Variants in MCF2L2 observed in about 807,000 individuals in gnomAD.
The protein encoded by MCF2L2 is MCF.2 cell line derived transforming sequence-like 2.
MCF2L2 carries 102 observed loss-of-function variants against 150.2 expected under a neutral mutation model. The observed-to-expected ratio is 0.68, with a 90% CI of 0.58 to 0.80. The LOEUF (loss-of-function observed/expected upper bound fraction) is 0.80, where lower values mean the gene tolerates loss of function less well. Ranked by LOEUF, MCF2L2 falls within the 30% of genes least tolerant of loss-of-function variation. MCF2L2 has a pLI of 0.00. For synonymous variants in MCF2L2, 465 were observed against 491.3 expected (o/e 0.95, Z 0.71); for missense variants, 1,256 against 1,372.8 (o/e 0.91, Z 1.34).
At chr3:183,340,346 C>T (rs1224699293) in intron 4 of MCF2L2, among the ~76,000 whole-genome samples, 28 of 152,164 alleles carry the variant, frequency 1.8e-4, no homozygotes, top group Admixed American at 1.8e-3. Flanking sequence ...TGCTTTACCA[C>T]ACTACCACAT....
Position 183,289,631 on chromosome 3 carries a change from A to G in MCF2L2, c.1676-411T>C, listed in dbSNP as rs191547775. ...AGCACTTTGGGAGGCTGAGGCGGGC[A>G]GATCACCTGAGGTCAGGAGTTCGAG... On this transcript the variant is annotated intron_variant, in intron 13 of 29. Coordinates refer to ENST00000328913, the MANE Select transcript of MCF2L2 (RefSeq NM_015078.4). Among the ~76,000 whole-genome samples the G allele has an allele frequency of 4.5e-3, 679 of 152,268 alleles. 6 individuals are homozygous for G. Among genetic ancestry groups the G allele is most frequent in the African/African-American group, 0.016 (650 of 41,570 alleles).
At chr3:183,299,960 C>A in intron 11 of MCF2L2, 45 bp downstream of exon 11, 3 of 1,586,422 alleles carry the variant, frequency 1.9e-6, no homozygotes, top group Non-Finnish European at 2.6e-6. Flanking sequence ...AGCTTCTTCA[C>A]AGAAAATCTT....
chr3:183,337,591 C>G (rs1730537862), intron 5 of MCF2L2, among the ~76,000 whole-genome samples: 1 of 150,874 alleles, frequency 6.6e-6, no homozygotes, highest in South Asian at 2.1e-4. Context: ...AAGAAACTAT[C>G]AGCCGTTTCC....
rs1723398307 is a variant in MCF2L2 at position 183,227,788 on chromosome 3, T to C, written c.2115+509A>G. The C allele has an allele frequency of 6.6e-6, 1 of 152,362 alleles. No homozygotes were observed. Among genetic ancestry groups the C allele is most frequent in the Non-Finnish European group, 1.5e-5 (1 of 68,084 alleles). 9.4% of individuals were successfully genotyped at this position (152,362 alleles called of 1,614,324 possible). On this transcript the variant is annotated intron_variant, in intron 18 of 29. Transcript: ENST00000328913. The surrounding 1 kb of genome is among the most constrained non-coding windows in gnomAD (Gnocchi z 4.0). Reference sequence around the variant, plus strand: ...GATAAAGTTGGGAGGCCAACTCATGTTTTCCATTCAAAGGGCAGATACAAG... The same window carrying C: ...GATAAAGTTGGGAGGCCAACTCATGCTTTCCATTCAAAGGGCAGATACAAG...
At chr3:183,216,456 ATATT>A (rs1330574721) in intron 21 of MCF2L2, among the ~76,000 whole-genome samples, 1 of 141,172 alleles carries the variant, frequency 7.1e-6, no homozygotes, top group Non-Finnish European at 1.5e-5. Context: ...AGTATATTAA[ATATT>A]TATATATTAA....
intron 2 of MCF2L2, among the ~76,000 whole-genome samples, chr3:183,386,804 T>G (rs1159319432): frequency 4.6e-5 from 7 of 152,210 alleles, no homozygotes; most frequent in Non-Finnish European, 7.3e-5. Flanking sequence ...TGACACTTGC[T>G]GTTTCTGCCA....
intron 25 of MCF2L2, among the ~76,000 whole-genome samples, chr3:183,199,861 G>A (rs1367990559): frequency 1.4e-5 from 2 of 146,636 alleles, no homozygotes; most frequent in Non-Finnish European, 3.0e-5. Flanking sequence ...CCACCTATGA[G>A]TGAGAACACA....
In MCF2L2 at chr3:183,178,614, G is replaced by T. The variant is rs1721394646; in HGVS notation, c.*766C>A. On this transcript the variant is annotated 3_prime_UTR_variant, in exon 30 of 30. Coordinates refer to ENST00000328913, the MANE Select transcript of MCF2L2 (RefSeq NM_015078.4). ...ATAAAGTAACTATAAACCAGTAACT[G>T]AAACTATAAAATTAAATAACCAGAA... 6.6e-6 allele frequency: 1 copy of T among 152,012 alleles called. No homozygotes were observed. The highest frequency in any genetic ancestry group is 1.5e-5 in the Non-Finnish European group (1 of 68,010). 9.4% of individuals were successfully genotyped at this position (152,012 alleles called of 1,614,324 possible).
chr3:183,398,530 AATC>A (rs1346758706), intron 1 of MCF2L2, among the ~76,000 whole-genome samples: 2 of 151,142 alleles, frequency 1.3e-5, no homozygotes, highest in Non-Finnish European at 2.9e-5. Flanking sequence ...ATATATTTAT[AATC>A]ATATGTTATA....
At chr3:183,414,769 A>G (rs1211571494) in intron 1 of MCF2L2, among the ~76,000 whole-genome samples, 1 of 151,564 alleles carries the variant, frequency 6.6e-6, no homozygotes, top group African/African-American at 2.4e-5. Flanking sequence ...ATTCTCTCTC[A>G]TCTTAAAGTA....
chr3:183,361,771 T>C (rs1187681390), intron 3 of MCF2L2, among the ~76,000 whole-genome samples: 2 of 152,246 alleles, frequency 1.3e-5, no homozygotes, highest in African/African-American at 4.8e-5. Flanking sequence ...TTATTTACTA[T>C]TAAATACTTA....
chr3:183,189,667 A>T (rs185760278), intron 27 of MCF2L2, among the ~76,000 whole-genome samples: 1 of 152,328 alleles, frequency 6.6e-6, no homozygotes, highest in Admixed American at 6.5e-5. Flanking sequence ...GTACTCCTCA[A>T]GGGACAGTAC....
In MCF2L2 at chr3:183,179,861, C is replaced by T. The variant is rs543434825; in HGVS notation, c.3106-169G>A. 8.5e-5 allele frequency among the ~76,000 whole-genome samples: 13 copies of T among 152,130 alleles called. No individual in the cohort carries two copies. Among genetic ancestry groups the T allele is most frequent in the Non-Finnish European group, 1.6e-4 (11 of 68,004 alleles). On this transcript the variant is annotated intron_variant, in intron 28 of 29. Coordinates refer to ENST00000328913, the MANE Select transcript of MCF2L2 (RefSeq NM_015078.4). The surrounding 1 kb of genome is among the most constrained non-coding windows in gnomAD (Gnocchi z 4.2). ...TTATGACCGGACACCAGCGCACCGC[C>T]AAGGAGACAGCCACGTGGGGACATG...
chr3:183,254,410 C>T (rs1007562985), intron 15 of MCF2L2, among the ~76,000 whole-genome samples: 1 of 151,840 alleles, frequency 6.6e-6, no homozygotes. Context: ...GAAGGAGGCT[C>T]GTCCCCTCCC....
Position 183,247,110 on chromosome 3 carries a change from CTAAT to C in MCF2L2, c.1863-16097_1863-16094del, listed in dbSNP as rs1296860937. ...CCAATTCTGTGGACGAGAGTAGGTA[CTAAT>C]TGTTATTTTCATTTCACAGAAGAGC... On this transcript the variant is annotated intron_variant, in intron 15 of 29. Coordinates refer to ENST00000328913, the MANE Select transcript of MCF2L2 (RefSeq NM_015078.4). 2.6e-5 allele frequency among the ~76,000 whole-genome samples: 4 copies of C among 152,264 alleles called. No individual in the cohort carries two copies. In the East Asian group the frequency reaches 7.7e-4, roughly 29 times the overall value.
At chr3:183,294,570 T>C (rs1728361465) in intron 13 of MCF2L2, among the ~76,000 whole-genome samples, 1 of 148,310 alleles carries the variant, frequency 6.7e-6, no homozygotes, top group Non-Finnish European at 1.5e-5. Flanking sequence ...TGTGTGTGTG[T>C]ATATATATGT....
At chr3:183,280,845 CAAAA>C (rs201596744) in intron 14 of MCF2L2, among the ~76,000 whole-genome samples, 2 of 69,428 alleles carry the variant, frequency 2.9e-5, no homozygotes, top group African/African-American at 4.8e-5. Context: ...GAGTCTCTGT[CAAAA>C]AAAAAAAAAA....
At chr3:183,372,247 T>C (rs891325391) in intron 3 of MCF2L2, 2 of 152,134 alleles carry the variant, frequency 1.3e-5, no homozygotes, top group African/African-American at 4.8e-5. Context: ...AGTCTTTCAA[T>C]ACAAAGGAGT....
chr3:183,288,724 C>T (rs887229979), intron 14 of MCF2L2, among the ~76,000 whole-genome samples: 1 of 152,164 alleles, frequency 6.6e-6, no homozygotes, highest in Admixed American at 6.5e-5. Context: ...TCGTGATCTT[C>T]CCACCTCGGC....
Sources: gnomAD v4.1 joint callset for allele counts (sites outside exome capture counted in the v4.1 genomes callset) on GRCh38, gnomAD v4.1.1 for gene constraint, Gnocchi (gnomAD v3.1) non-coding constraint, MANE v1.5 for transcripts, NCBI Gene and HGNC (gene_info 2026-07-23, HGNC 2026-07-21) for gene names.